PDSS2: variants seen among roughly 807,000 people sequenced by gnomAD.
The protein encoded by PDSS2 is decaprenyl diphosphate synthase subunit 2, also known as all trans-polyprenyl-diphosphate synthase PDSS2.
In PDSS2, 31 loss-of-function variants were observed where a neutral mutation model predicts 44.5. The observed-to-expected ratio is 0.70, with a 90% confidence interval of 0.52 to 0.94. The LOEUF (loss-of-function observed/expected upper bound fraction) is 0.94, where lower values mean the gene tolerates loss of function less well. Ranked by LOEUF, PDSS2 falls within the 40% of genes least tolerant of loss-of-function variation. The probability of loss-of-function intolerance (pLI) is 0.00; values close to 1 mark genes in which losing one functional copy is unlikely to be tolerated. For synonymous variants in PDSS2, 157 were observed against 180.3 expected (o/e 0.87, Z 1.03); for missense variants, 452 against 482.2 (o/e 0.94, Z 0.59).
At chr6:107,316,985 T>C (rs1040871368) in intron 2 of PDSS2, among the ~76,000 whole-genome samples, 3 of 152,178 alleles carry the variant, frequency 2.0e-5, no homozygotes, top group African/African-American at 7.2e-5. Context: ...AAACAAGTTA[T>C]ATTGTTGAAC....
chr6:107,397,431 C>A, intron 1 of PDSS2, among the ~76,000 whole-genome samples: 1 of 152,166 alleles, frequency 6.6e-6, no homozygotes, highest in Admixed American at 6.5e-5. Context: ...TGAACCAGTA[C>A]AAATGGTGAA....
rs182771682 is a variant in PDSS2, at chr6:107,312,297, T to C, written c.431+21901A>G. ...CCTGATGGCTATGTTGGATTTGTCC[T>C]TTAAGGACAATTCAATCCTTTGTAG... On this transcript the variant is annotated intron_variant, in intron 2 of 7. Transcript: ENST00000369037. 2.6e-5 allele frequency among the ~76,000 whole-genome samples: 4 copies of C among 152,328 alleles called. No individual in the cohort carries two copies. In the East Asian group the frequency reaches 7.7e-4, roughly 29 times the overall value.
At chr6:107,359,506 C>G (rs1778699680) in intron 1 of PDSS2, among the ~76,000 whole-genome samples, 1 of 151,582 alleles carries the variant, frequency 6.6e-6, no homozygotes, top group African/African-American at 2.4e-5. Flanking sequence ...CACCTGTAAT[C>G]CCAGCTACTT....
chr6:107,250,092 T>C (rs1159957544), intron 3 of PDSS2, among the ~76,000 whole-genome samples: 1 of 152,044 alleles, frequency 6.6e-6, no homozygotes, highest in African/African-American at 2.4e-5. Context: ...CAAAGGATAT[T>C]GTGATGACTA....
intron 1 of PDSS2, among the ~76,000 whole-genome samples, chr6:107,360,526 A>G (rs1299329291): frequency 3.9e-5 from 6 of 152,222 alleles, no homozygotes; most frequent in Admixed American, 2.0e-4. Flanking sequence ...TAGGCTTGCC[A>G]TTAGAACCTT....
At chr6:107,208,209 C>T in intron 6 of PDSS2, among the ~76,000 whole-genome samples, 1 of 147,930 alleles carries the variant, frequency 6.8e-6, no homozygotes, top group African/African-American at 2.5e-5. Context: ...TGGTCTCGAA[C>T]TCCTGACCTC....
At chr6:107,326,441 G>A (rs1427581631) in intron 2 of PDSS2, among the ~76,000 whole-genome samples, 2 of 152,044 alleles carry the variant, frequency 1.3e-5, no homozygotes, top group Non-Finnish European at 2.9e-5. Context: ...AAAGCACATA[G>A]AGGACACAGT....
At chr6:107,211,484 C>T (rs960903288) in intron 5 of PDSS2, among the ~76,000 whole-genome samples, 1 of 151,966 alleles carries the variant, frequency 6.6e-6, no homozygotes, top group African/African-American at 2.4e-5. Flanking sequence ...GTAATCCCAG[C>T]ACTTTGGGAG....
chr6:107,350,138 T>C (rs369542004), intron 1 of PDSS2, among the ~76,000 whole-genome samples: 13 of 152,226 alleles, frequency 8.5e-5, no homozygotes, highest in African/African-American at 2.7e-4. Context: ...TGTTGTATTC[T>C]TCCCACCTCA....
chr6:107,200,583 A>C (rs1772734608), intron 6 of PDSS2, among the ~76,000 whole-genome samples: 1 of 152,150 alleles, frequency 6.6e-6, no homozygotes, highest in Non-Finnish European at 1.5e-5. Context: ...AAACTCCATA[A>C]GTCTCGAGGA....
chr6:107,254,895 G>A (rs538178442), intron 3 of PDSS2, among the ~76,000 whole-genome samples: 3 of 151,132 alleles, frequency 2.0e-5, no homozygotes, highest in South Asian at 2.1e-4. Context: ...ATGGAGTCTC[G>A]CTGTGTCACC....
At chr6:107,182,450 G>A (rs1562357926) in intron 7 of PDSS2, among the ~76,000 whole-genome samples, 2 of 152,098 alleles carry the variant, frequency 1.3e-5, no homozygotes, top group East Asian at 3.9e-4. Context: ...TCAGCCTCCT[G>A]AGTAGCTGGG....
At chr6:107,300,881 T>C (rs573067413) in intron 2 of PDSS2, among the ~76,000 whole-genome samples, 4 of 152,308 alleles carry the variant, frequency 2.6e-5, no homozygotes, top group African/African-American at 7.2e-5. Context: ...AGGCATATCA[T>C]TTATTCATTA....
intron 7 of PDSS2, among the ~76,000 whole-genome samples, chr6:107,184,545 G>T (rs1772097991): frequency 6.6e-6 from 1 of 152,176 alleles, no homozygotes; most frequent in African/African-American, 2.4e-5. Context: ...AATGTCTGTG[G>T]ACATTACTGT....
At chr6:107,325,227 T>C (rs1777501622) in intron 2 of PDSS2, among the ~76,000 whole-genome samples, 1 of 152,230 alleles carries the variant, frequency 6.6e-6, no homozygotes, top group South Asian at 2.1e-4. Context: ...AAGATGTTTC[T>C]AGATTTAACT....
At chr6:107,311,933 G>A (rs1262781198) in intron 2 of PDSS2, among the ~76,000 whole-genome samples, 1 of 152,184 alleles carries the variant, frequency 6.6e-6, no homozygotes, top group Non-Finnish European at 1.5e-5. Context: ...CACCACTAAT[G>A]TTTGTACACA....
intron 3 of PDSS2, among the ~76,000 whole-genome samples, chr6:107,267,356 C>G (rs1407641312): frequency 2.0e-5 from 3 of 152,128 alleles, no homozygotes; most frequent in African/African-American, 7.2e-5. Context: ...TCTTTCTTCT[C>G]TAAACAAGGG....
At chr6:107,395,957 T>C (rs1779927138) in intron 1 of PDSS2, among the ~76,000 whole-genome samples, 1 of 152,190 alleles carries the variant, frequency 6.6e-6, no homozygotes, top group African/African-American at 2.4e-5. Flanking sequence ...TTATGGTGGC[T>C]TAGACTAGTC....
chr6:107,209,982 C>T (rs192534495), intron 6 of PDSS2, among the ~76,000 whole-genome samples: 7 of 152,024 alleles, frequency 4.6e-5, no homozygotes, highest in Admixed American at 2.6e-4. Context: ...TTTTCCCCCC[C>T]GCTTTGATAA....
Sources: gnomAD v4.1 joint callset for allele counts (sites outside exome capture counted in the v4.1 genomes callset) on GRCh38, gnomAD v4.1.1 for gene constraint, MANE v1.5 for transcripts, NCBI Gene and HGNC (gene_info 2026-07-23, HGNC 2026-07-21) for gene names.